Variants in MICU1 observed in about 807,000 individuals in gnomAD.
MICU1 encodes mitochondrial calcium uptake 1.
In MICU1, 45 loss-of-function variants were observed where a neutral mutation model predicts 56.8. That is an observed-to-expected ratio of 0.79 (90% confidence interval 0.62 to 1.02). MICU1 has a LOEUF of 1.02. Among genes scored for constraint, MICU1 ranks in the 50% least tolerant of loss-of-function variants. The pLI, the probability that MICU1 is intolerant of heterozygous loss-of-function variation, is 0.00. For synonymous variants in MICU1, 186 were observed against 195.1 expected, an observed-to-expected ratio of 0.95 and a Z score of 0.39; for missense variants, 504 against 587.1, an observed-to-expected ratio of 0.86 and a Z score of 1.46.
intron 1 of MICU1, among the ~76,000 whole-genome samples, chr10:72,613,191 T>C (rs1841896383): frequency 6.6e-6 from 1 of 152,020 alleles, no homozygotes; most frequent in South Asian, 2.1e-4. Flanking sequence ...TCTATATGGC[T>C]ACTCATCAAA....
At chr10:72,479,788 A>G (rs1866234766) in intron 6 of MICU1, among the ~76,000 whole-genome samples, 1 of 152,142 alleles carries the variant, frequency 6.6e-6, no homozygotes, top group Non-Finnish European at 1.5e-5. Flanking sequence ...CAGCTCCCCA[A>G]GGTGCTAGGA....
intron 8 of MICU1, among the ~76,000 whole-genome samples, chr10:72,457,235 A>AAGAG: frequency 6.7e-6 from 1 of 148,416 alleles, no homozygotes; most frequent in South Asian, 2.1e-4. Flanking sequence ...TTTTTTTTTA[A>AAGAG]AGAGAGAGGG....
intron 5 of MICU1, among the ~76,000 whole-genome samples, chr10:72,529,085 T>C (rs934158162): frequency 6.6e-6 from 1 of 152,238 alleles, no homozygotes; most frequent in Admixed American, 6.5e-5. Flanking sequence ...TCTTTACAGA[T>C]AAATGTGGAT....
chr10:72,413,328 C>A (rs1244548689), intron 9 of MICU1, among the ~76,000 whole-genome samples: 1 of 152,082 alleles, frequency 6.6e-6, no homozygotes, highest in African/African-American at 2.4e-5. Flanking sequence ...GGAAAAAAAA[C>A]TGATTGGTTA....
At chr10:72,419,152 T>C (rs1243256660) in intron 9 of MICU1, among the ~76,000 whole-genome samples, 2 of 152,196 alleles carry the variant, frequency 1.3e-5, no homozygotes, top group African/African-American at 2.4e-5. Flanking sequence ...TCATGATAGA[T>C]AATTAAAGTC....
At position 72,368,193 on chromosome 10, in the gene MICU1, G is replaced by T. The variant is rs754950074; in HGVS notation, c.*2C>A. The T allele has an allele frequency of 9.9e-6, 16 of 1,611,118 alleles. No homozygotes were observed. In the African/African-American group the frequency reaches 1.5e-4, roughly 15 times the overall value. On this transcript the variant is annotated 3_prime_UTR_variant, in exon 12 of 12. Transcript: ENST00000361114. ...GGAGGGGTCCCCTCTTGCAGTGTGG[G>T]GTTACTGTTTGGGTAAAGCGAAGTC... is the stretch of plus-strand genomic sequence containing the variant.
chr10:72,389,916 G>A (rs1863011252), intron 10 of MICU1, among the ~76,000 whole-genome samples: 1 of 152,224 alleles, frequency 6.6e-6, no homozygotes, highest in African/African-American at 2.4e-5. Flanking sequence ...GCCAGCCGCT[G>A]AGAGGTCATA....
intron 8 of MICU1, among the ~76,000 whole-genome samples, chr10:72,432,841 T>C (rs2132161524): frequency 6.6e-6 from 1 of 152,318 alleles, no homozygotes; most frequent in East Asian, 1.9e-4. Flanking sequence ...GGGACGAATA[T>C]CCAAACCACA....
At chr10:72,618,883 G>A (rs978422556) in intron 1 of MICU1, among the ~76,000 whole-genome samples, 11 of 152,122 alleles carry the variant, frequency 7.2e-5, no homozygotes, top group African/African-American at 2.7e-4. Flanking sequence ...TTTTTAATGA[G>A]CTTAAATTTA....
intron 6 of MICU1, among the ~76,000 whole-genome samples, chr10:72,507,396 A>G (rs1053906474): frequency 2.6e-5 from 4 of 152,220 alleles, no homozygotes; most frequent in Non-Finnish European, 5.9e-5. Flanking sequence ...AAACTCCTCA[A>G]TGCTCTAAGT....
chr10:72,529,038 A>G (rs1216979933), intron 5 of MICU1, among the ~76,000 whole-genome samples: 1 of 152,198 alleles, frequency 6.6e-6, no homozygotes, highest in Non-Finnish European at 1.5e-5. Context: ...CACTATAATC[A>G]ATACTTCCCT....
At chr10:72,611,078 G>A (rs1841831267) in intron 1 of MICU1, among the ~76,000 whole-genome samples, 1 of 152,064 alleles carries the variant, frequency 6.6e-6, no homozygotes, top group South Asian at 2.1e-4. Context: ...GCCGAGGCGG[G>A]CGGATCACGA....
At chr10:72,521,379 A>G (rs896265665) in intron 5 of MICU1, among the ~76,000 whole-genome samples, 2 of 152,084 alleles carry the variant, frequency 1.3e-5, no homozygotes, top group African/African-American at 4.8e-5. Flanking sequence ...ATTAAAGACA[A>G]CATTAAAGAC....
At chr10:72,621,086 A>G (rs1025198650) in intron 1 of MICU1, among the ~76,000 whole-genome samples, 1 of 152,166 alleles carries the variant, frequency 6.6e-6, no homozygotes, top group Non-Finnish European at 1.5e-5. Context: ...TTAATGATGA[A>G]CCACCAGAAT....
At position 72,547,533 on chromosome 10, in the gene MICU1, G is replaced by GTATATATA. The variant is rs5786084; in HGVS notation, c.493+3638_493+3645dup. The stretch of plus-strand genomic sequence containing the variant: ...ATGTTGAATGAATATATACACATAT[G>GTATATATA]TATATATATATATATATAAAGTCTA... On this transcript the variant is annotated intron_variant, in intron 4 of 11. Transcript: ENST00000361114. 1.2e-3 allele frequency among the ~76,000 whole-genome samples: 179 copies of GTATATATA among 146,194 alleles called. 1 individual carries two copies. The highest frequency in any genetic ancestry group is 2.1e-3 in the Admixed American group (31 of 14,614).
At chr10:72,620,846 T>A (rs1405845570) in intron 1 of MICU1, among the ~76,000 whole-genome samples, 1 of 152,204 alleles carries the variant, frequency 6.6e-6, no homozygotes, top group Non-Finnish European at 1.5e-5. Context: ...CACAGCTACC[T>A]TTTTTTGCTT....
At chr10:72,461,673 G>A (rs769172891) in intron 8 of MICU1, among the ~76,000 whole-genome samples, 2 of 152,288 alleles carry the variant, frequency 1.3e-5, no homozygotes, top group African/African-American at 2.4e-5. Flanking sequence ...CTCTGAGCCG[G>A]GCACAGTGGC....
chr10:72,417,314 C>T (rs564442357), intron 9 of MICU1, among the ~76,000 whole-genome samples: 7 of 152,058 alleles, frequency 4.6e-5, no homozygotes, highest in South Asian at 4.1e-4. Context: ...ATTAGCCAGG[C>T]GTGGCAGTGG....
chr10:72,440,607 C>G (rs1172159864), intron 8 of MICU1, among the ~76,000 whole-genome samples: 3 of 152,122 alleles, frequency 2.0e-5, no homozygotes, highest in South Asian at 2.1e-4. Flanking sequence ...TCAGAGTGAA[C>G]AGGCAACCTA....
Sources: allele counts gnomAD v4.1 joint callset (sites outside exome capture counted in the v4.1 genomes callset), GRCh38; gene constraint gnomAD v4.1.1; transcripts MANE v1.5; gene names NCBI Gene and HGNC (gene_info 2026-07-23, HGNC 2026-07-21).